The following SAMSN1 variants were observed in gnomAD, a reference collection of about 807,000 sequenced individuals.
The protein encoded by SAMSN1 is SAM domain-containing protein SAMSN-1.
In SAMSN1, 31 loss-of-function variants were observed where a neutral mutation model predicts 42.0. The observed-to-expected ratio is 0.74, with a 90% confidence interval of 0.55 to 1.00. The LOEUF (loss-of-function observed/expected upper bound fraction) is 1.00, where lower values mean the gene tolerates loss of function less well. Ranked by LOEUF, SAMSN1 falls within the 50% of genes least tolerant of loss-of-function variation. The probability of loss-of-function intolerance (pLI) is 0.00; values close to 1 mark genes in which losing one functional copy is unlikely to be tolerated. For missense variants in SAMSN1, 464 were observed against 439.4 expected (o/e 1.06, Z -0.50); for synonymous variants, 178 against 151.9 (o/e 1.17, Z -1.26).
intron 1 of SAMSN1, among the ~76,000 whole-genome samples, chr21:14,644,708 A>G (rs961826657): frequency 6.6e-6 from 1 of 152,116 alleles, no homozygotes; most frequent in Non-Finnish European, 1.5e-5. Context: ...TAGAGCACTG[A>G]CTGGGCTCTT....
At chr21:14,630,422 T>C (rs1413787767) in intron 2 of SAMSN1, among the ~76,000 whole-genome samples, 4 of 151,540 alleles carry the variant, frequency 2.6e-5, no homozygotes, top group Admixed American at 6.6e-5. Context: ...GAGATAACCA[T>C]GGCTTTCATC....
intron 2 of SAMSN1, among the ~76,000 whole-genome samples, chr21:14,568,768 G>T (rs549354061): frequency 6.6e-6 from 1 of 152,252 alleles, no homozygotes; most frequent in South Asian, 2.1e-4. Context: ...AACTAACTTT[G>T]CTATCCAGTG....
At chr21:14,558,516 T>G (rs1600929331) in intron 2 of SAMSN1, among the ~76,000 whole-genome samples, 1 of 150,156 alleles carries the variant, frequency 6.7e-6, no homozygotes, top group African/African-American at 2.5e-5. Context: ...CCATCTTTAC[T>G]AAAAATACAA....
intron 7 of SAMSN1, among the ~76,000 whole-genome samples, chr21:14,495,307 C>A (rs1192126332): frequency 6.6e-6 from 1 of 152,174 alleles, no homozygotes; most frequent in African/African-American, 2.4e-5. Context: ...AATAAGCATG[C>A]AGCCAGTATG....
intron 2 of SAMSN1, among the ~76,000 whole-genome samples, chr21:14,640,391 C>T (rs934663721): frequency 7.9e-5 from 12 of 152,088 alleles, no homozygotes; most frequent in Non-Finnish European, 1.3e-4. Context: ...GGACTGGAAG[C>T]TTGAGCCATA....
chr21:14,658,985 C>T (rs1297187813), upstream of SAMSN1, among the ~76,000 whole-genome samples: 1 of 151,908 alleles, frequency 6.6e-6, no homozygotes, highest in Non-Finnish European at 1.5e-5. Flanking sequence ...AACGCTGATG[C>T]ATAACATGAG....
chr21:14,575,217 T>C (rs1421575007), intron 2 of SAMSN1, among the ~76,000 whole-genome samples: 2 of 152,190 alleles, frequency 1.3e-5, no homozygotes, highest in East Asian at 3.8e-4. Context: ...TTCTCTTGGG[T>C]AAATGCTGAT....
At chr21:14,645,686 T>G (rs1175241695) in intron 1 of SAMSN1, among the ~76,000 whole-genome samples, 2 of 152,158 alleles carry the variant, frequency 1.3e-5, no homozygotes, top group African/African-American at 4.8e-5. Context: ...CAGGGACCAA[T>G]CCTGGAGAAA....
intron 2 of SAMSN1, among the ~76,000 whole-genome samples, chr21:14,633,893 G>T (rs762426719): frequency 2.0e-5 from 3 of 152,038 alleles, no homozygotes; most frequent in Non-Finnish European, 4.4e-5. Context: ...ATATCATATT[G>T]TTTGTCTTTA....
intron 1 of SAMSN1, among the ~76,000 whole-genome samples, chr21:14,651,552 C>T (rs890256604): frequency 6.6e-6 from 1 of 151,774 alleles, no homozygotes; most frequent in African/African-American, 2.4e-5. Flanking sequence ...TAATAAAAGC[C>T]TTATACAATA....
chr21:14,577,471 C>T (rs1006184464), intron 2 of SAMSN1, among the ~76,000 whole-genome samples: 7 of 150,726 alleles, frequency 4.6e-5, no homozygotes, highest in African/African-American at 1.5e-4. Context: ...AAAAGTCTCC[C>T]AGATTTTGAA....
intron 1 of SAMSN1, among the ~76,000 whole-genome samples, chr21:14,655,075 T>C (rs1219075797): frequency 6.6e-6 from 1 of 151,774 alleles, no homozygotes; most frequent in Non-Finnish European, 1.5e-5. Context: ...AATAAAAATG[T>C]AATATTAAAG....
intron 4 of SAMSN1, among the ~76,000 whole-genome samples, chr21:14,612,319 G>A (rs992331140): frequency 6.6e-6 from 1 of 152,148 alleles, no homozygotes; most frequent in South Asian, 2.1e-4. Flanking sequence ...CTCCCTATTT[G>A]CTGTAAAGTA....
intron 6 of SAMSN1, among the ~76,000 whole-genome samples, chr21:14,596,662 G>T (rs1483385293): frequency 2.0e-5 from 3 of 152,154 alleles, no homozygotes; most frequent in Non-Finnish European, 4.4e-5. Context: ...AAGACACTCA[G>T]CCTCATGGAT....
chr21:14,573,935 T>C (rs1981382695), intron 2 of SAMSN1, among the ~76,000 whole-genome samples: 1 of 152,210 alleles, frequency 6.6e-6, no homozygotes. Flanking sequence ...ATGTCTTTTC[T>C]ATAGTTTGCT....
At chr21:14,563,888 G>C (rs1318246441) in intron 2 of SAMSN1, among the ~76,000 whole-genome samples, 1 of 152,106 alleles carries the variant, frequency 6.6e-6, no homozygotes, top group Non-Finnish European at 1.5e-5. Context: ...AACCTAAGTA[G>C]GAAAAGACTT....
intron 2 of SAMSN1, among the ~76,000 whole-genome samples, chr21:14,570,676 T>C (rs1289376782): frequency 6.6e-6 from 1 of 152,202 alleles, no homozygotes; most frequent in African/African-American, 2.4e-5. Context: ...GCCTGAGAGC[T>C]TTTCATTAAT....
chr21:14,611,248 T>C (rs988365836), intron 4 of SAMSN1, among the ~76,000 whole-genome samples: 2 of 152,244 alleles, frequency 1.3e-5, no homozygotes, highest in Non-Finnish European at 2.9e-5. Flanking sequence ...AACTCTAAGA[T>C]CCTTGAATGG....
intron 2 of SAMSN1, among the ~76,000 whole-genome samples, chr21:14,579,107 T>C (rs1324259980): frequency 6.6e-6 from 1 of 152,200 alleles, no homozygotes; most frequent in East Asian, 1.9e-4. Context: ...AATACAAAAA[T>C]AATAATTTGC....
Sources: allele counts gnomAD v4.1 joint callset (sites outside exome capture counted in the v4.1 genomes callset), GRCh38; gene constraint gnomAD v4.1.1; transcripts MANE v1.5; gene names NCBI Gene and HGNC (gene_info 2026-07-23, HGNC 2026-07-21).